SNX19: variants seen among roughly 807,000 people sequenced by gnomAD.
SNX19 encodes sorting nexin-19.
In SNX19, 60 loss-of-function variants were observed where a neutral mutation model predicts 85.2. That is an observed-to-expected ratio of 0.70 (90% CI 0.57 to 0.87). SNX19 has a LOEUF of 0.87. Among genes scored for constraint, SNX19 ranks in the 40% least tolerant of loss-of-function variants. The pLI, the probability that SNX19 is intolerant of heterozygous loss-of-function variation, is 0.00. For synonymous variants in SNX19, 520 were observed against 470.0 expected (o/e 1.11, Z -1.38); for missense variants, 1,201 against 1,217.8 (o/e 0.99, Z 0.21).
At chr11:130,898,412 G>C (rs551192785) in intron 8 of SNX19, among the ~76,000 whole-genome samples, 12 of 152,306 alleles carry the variant, frequency 7.9e-5, no homozygotes, top group African/African-American at 2.6e-4. Flanking sequence ...TAAATAACTA[G>C]AGAAGTGGCA....
intron 8 of SNX19, chr11:130,893,618 G>GT: frequency 1.7e-6 from 1 of 592,354 alleles, no homozygotes; most frequent in Non-Finnish European, 3.0e-6. Context: ...TAGGGACACC[G>GT]AAGTGGCAAC....
At position 130,916,071 on chromosome 11, in the gene SNX19, G is replaced by A; in HGVS notation, c.-132C>T. 2.6e-6 allele frequency: 2 copies of A among 776,770 alleles called. No homozygotes were observed. Among genetic ancestry groups the A allele is most frequent in the Non-Finnish European group, 2.0e-6 (1 of 488,098 alleles). The allele number at this position is 776,770 out of a possible 1,614,324, so 48.1% of individuals were successfully genotyped here. Reference sequence around the variant, plus strand: ...GCTGTTCAGGGAACCGGGGCTCCAGGCCCTCAAAGTCCTACAGGCACTGCA... The same window carrying A: ...GCTGTTCAGGGAACCGGGGCTCCAGACCCTCAAAGTCCTACAGGCACTGCA... On this transcript the variant is annotated 5_prime_UTR_variant, in exon 1 of 11. Transcript: ENST00000265909.
chr11:130,901,529 G>T (rs1442749688), intron 8 of SNX19, among the ~76,000 whole-genome samples: 1 of 152,180 alleles, frequency 6.6e-6, no homozygotes, highest in East Asian at 1.9e-4. Flanking sequence ...TTCGAAGGCA[G>T]ATACAGGAAG....
intron 8 of SNX19, 26 bp from the exon 9 acceptor site, chr11:130,880,832 T>C (rs756890459): frequency 3.3e-6 from 5 of 1,515,690 alleles, no homozygotes; most frequent in East Asian, 2.3e-5. Context: ...GACGAAAGCT[T>C]AGATAAAGCT....
chr11:130,903,382 T>C lies in SNX19; in HGVS notation c.2446A>G (p.Thr816Ala), dbSNP rs1008570017. Residue 816 changes from threonine to alanine, a missense_variant and splice_region_variant, in exon 8 of 11, where the codon ACA becomes GCA. Physicochemically the swap from Thr to Ala is moderately conservative, Grantham distance 58. Around this residue, in one of 3 missense-constraint regions of SNX19, gnomAD observed 285 missense variants for 295.3 expected, o/e 0.97. Transcript: ENST00000265909. Reference protein sequence around the residue: ...AQDPSNSDPGTETELADTALD... With the variant: ...AQDPSNSDPGAETELADTALD... ...GCTGTGTCAGCTAACTCTGTCTCTG[T>C]TCCTGAGGGATAAAATGGCATCAGG... 1.2e-6 allele frequency: 2 copies of C among 1,612,030 alleles called. No individual in the cohort carries two copies. Among genetic ancestry groups the C allele is most frequent in the African/African-American group, 1.3e-5 (1 of 74,852 alleles).
rs1943399129 is a variant in SNX19 at position 130,878,447 on chromosome 11, G to A, written c.2954C>T (p.Ser985Phe). 1 of 1,613,826 alleles carries A rather than the reference G, an allele frequency of 6.2e-7. No homozygotes were observed. The highest frequency in any genetic ancestry group is 1.3e-5 in the African/African-American group (1 of 74,914). The part of the protein sequence containing the change: ...TTSASDTPGN[S>F]KRMGVSS ...CTAAGAGGAGACACCCATCCTCTTA[G>A]AGTTGCCTGGGGTATCTGAGGCAGA... Residue 985 changes from serine to phenylalanine, a missense_variant, in exon 11 of 11, where the codon TCT becomes TTT. Transcript: ENST00000265909.
rs75145845 is a variant in SNX19 at position 130,883,950 on chromosome 11, T to C, written c.2574-3144A>G. On this transcript the variant is annotated intron_variant, in intron 8 of 10. Coordinates refer to ENST00000265909, the MANE Select transcript of SNX19 (RefSeq NM_014758.3). ...CTGTAATTCAATTTCTAAGACACAC[T>C]TTATTATCACTCACTATGCCTTTCT... Among the ~76,000 whole-genome samples the C allele has an allele frequency of 1.3e-3, 204 of 152,336 alleles. 1 individual carries two copies. The highest frequency in any genetic ancestry group is 4.7e-3 in the African/African-American group (196 of 41,580).
rs1022488806 is a variant in SNX19, at chr11:130,877,309, T to G, written c.*1113A>C. The G allele has an allele frequency of 6.6e-6, 1 of 152,242 alleles. No homozygotes were observed. The highest frequency in any genetic ancestry group is 1.5e-5 in the Non-Finnish European group (1 of 68,058). The allele number at this position is 152,242 out of a possible 1,614,324, so 9.4% of individuals were successfully genotyped here. A position where few individuals can be genotyped will look rare whatever the true frequency, so the allele number is the denominator to read the frequency against. ...CAGCAATTCCCAGTTGCCTTGCCTTTCTAATAGATGTTGCAGTCTGACAAA... is the reference window on the plus strand; with the variant it reads ...CAGCAATTCCCAGTTGCCTTGCCTTGCTAATAGATGTTGCAGTCTGACAAA... On this transcript the variant is annotated 3_prime_UTR_variant, in exon 11 of 11. Transcript: ENST00000265909.
intron 8 of SNX19, among the ~76,000 whole-genome samples, chr11:130,902,302 G>A (rs1945313879): frequency 6.6e-6 from 1 of 152,090 alleles, no homozygotes; most frequent in Non-Finnish European, 1.5e-5. Flanking sequence ...TCTTTCACTT[G>A]GTCTCTTTAT....
chr11:130,909,993 C>G (rs1331583843), intron 4 of SNX19, 25 bp downstream of exon 4: 2 of 1,611,922 alleles, frequency 1.2e-6, no homozygotes, highest in South Asian at 2.2e-5. Context: ...AAAACTAAAG[C>G]TGAGCACAGT....
chr11:130,906,554 C>CA, intron 6 of SNX19, 71 bp downstream of exon 6: 1 of 1,063,326 alleles, frequency 9.4e-7, no homozygotes, highest in Non-Finnish European at 1.5e-6. Context: ...GAGAATATCT[C>CA]AACTACCTGT....
intron 8 of SNX19, among the ~76,000 whole-genome samples, chr11:130,899,732 C>A (rs1178537365): frequency 6.6e-6 from 1 of 152,062 alleles, no homozygotes; most frequent in African/African-American, 2.4e-5. Context: ...GAAATATGTA[C>A]AATGAACCAA....
At position 130,901,926 on chromosome 11, in the gene SNX19, ATTTG is replaced by A. The variant is rs1945283941; in HGVS notation, c.2573+1325_2573+1328del. The A allele has an allele frequency of 3.3e-5, 5 of 152,318 alleles. No individual in the cohort carries two copies. In the South Asian group the frequency reaches 1.0e-3, roughly 32 times the overall value. 9.4% of individuals were successfully genotyped at this position (152,318 alleles called of 1,614,324 possible). A position where few individuals can be genotyped will look rare whatever the true frequency, so the allele number is the denominator to read the frequency against. On this transcript the variant is annotated intron_variant, in intron 8 of 10. Coordinates refer to ENST00000265909, the MANE Select transcript of SNX19 (RefSeq NM_014758.3). ...TTTTAAGTGCAGAATATATGTTCAGATTTGTTTTTCAGAAAAAGGCACTCTAGTG... is the reference window on the plus strand; with the variant it reads ...TTTTAAGTGCAGAATATATGTTCAGATTTTTCAGAAAAAGGCACTCTAGTG...
chr11:130,892,090 C>T (rs1944538644), intron 8 of SNX19, among the ~76,000 whole-genome samples: 1 of 151,192 alleles, frequency 6.6e-6, no homozygotes, highest in African/African-American at 2.4e-5. Flanking sequence ...ATGATCCACC[C>T]ACCTTGGCCT....
intron 5 of SNX19, among the ~76,000 whole-genome samples, chr11:130,907,043 T>C (rs1172610305): frequency 2.0e-5 from 3 of 152,230 alleles, no homozygotes; most frequent in Non-Finnish European, 2.9e-5. Context: ...TAACACATAA[T>C]AGGCACTCAT....
Position 130,903,439 on chromosome 11 carries a change from C to T in SNX19, c.2444-55G>A. On this transcript the variant is annotated intron_variant, in intron 7 of 10. Coordinates refer to ENST00000265909, the MANE Select transcript of SNX19 (RefSeq NM_014758.3). The stretch of plus-strand genomic sequence containing the variant: ...TCAGAAGAGACCCATACTTGAGGAA[C>T]ATCTTTCAAGGTACTGGTGGCACCT... 3 of 1,584,962 alleles carry T rather than the reference C, an allele frequency of 1.9e-6. No homozygotes were observed. The South Asian group carries it at 3.5e-5, about 18-fold the overall frequency.
intron 8 of SNX19, among the ~76,000 whole-genome samples, chr11:130,890,608 T>C (rs1944425705): frequency 6.6e-6 from 1 of 152,168 alleles, no homozygotes; most frequent in Admixed American, 6.5e-5. Context: ...TAATCAATCA[T>C]ACTAACTTCT....
intron 8 of SNX19, among the ~76,000 whole-genome samples, chr11:130,885,078 A>C (rs1475979372): frequency 3.3e-5 from 5 of 152,030 alleles, no homozygotes; most frequent in African/African-American, 1.2e-4. Flanking sequence ...TCCTGCCTTC[A>C]TCCCAAAGAA....
At chr11:130,881,681 C>A (rs1943690893) in intron 8 of SNX19, among the ~76,000 whole-genome samples, 1 of 152,248 alleles carries the variant, frequency 6.6e-6, no homozygotes, top group African/African-American at 2.4e-5. Flanking sequence ...AGGGCCTCTT[C>A]TCGCCTTGCC....
Sources: allele counts gnomAD v4.1 joint callset (sites outside exome capture counted in the v4.1 genomes callset), GRCh38; gene constraint gnomAD v4.1.1; regional missense constraint gnomAD v4.1.1; transcripts MANE v1.5; gene names NCBI Gene and HGNC (gene_info 2026-07-23, HGNC 2026-07-21).